ATRNL1: variants seen among roughly 807,000 people sequenced by gnomAD.
The protein encoded by ATRNL1 is attractin like 1.
Under a neutral mutation model 182.7 loss-of-function variants are expected in ATRNL1, and 95 were observed. That is an observed-to-expected ratio of 0.52 (90% CI 0.44 to 0.62). The LOEUF (loss-of-function observed/expected upper bound fraction) is 0.62, where lower values mean the gene tolerates loss of function less well. Among genes scored for constraint, ATRNL1 ranks in the 20% least tolerant of loss-of-function variants. The pLI, the probability that ATRNL1 is intolerant of heterozygous loss-of-function variation, is 0.00. For synonymous variants in ATRNL1, 576 were observed against 568.3 expected (o/e 1.01, Z -0.19); for missense variants, 1,471 against 1,679.5 (o/e 0.88, Z 2.17).
chr10:115,687,919 A>G (rs782755437), intron 26 of ATRNL1, among the ~76,000 whole-genome samples: 16 of 151,992 alleles, frequency 1.1e-4, no homozygotes, highest in Non-Finnish European at 2.4e-4. Context: ...TATTTTATCT[A>G]ACTGTATGTT....
chr10:115,245,042 A>C (rs1478981067), intron 10 of ATRNL1, among the ~76,000 whole-genome samples: 1 of 152,234 alleles, frequency 6.6e-6, no homozygotes, highest in Non-Finnish European at 1.5e-5. Context: ...TGGTTTACTT[A>C]TGACATTAAT....
intron 26 of ATRNL1, among the ~76,000 whole-genome samples, chr10:115,668,205 C>A (rs2133921262): frequency 6.6e-6 from 1 of 152,140 alleles, no homozygotes. Flanking sequence ...TGGTGTGACT[C>A]CCCGGTTCTT....
At chr10:115,157,648 C>A (rs905458481) in intron 5 of ATRNL1, among the ~76,000 whole-genome samples, 1 of 152,086 alleles carries the variant, frequency 6.6e-6, no homozygotes, top group East Asian at 1.9e-4. Context: ...AAATCTCCCT[C>A]TCTTATAAGG....
At chr10:115,460,043 A>G (rs1411104962) in intron 21 of ATRNL1, among the ~76,000 whole-genome samples, 1 of 152,152 alleles carries the variant, frequency 6.6e-6, no homozygotes, top group African/African-American at 2.4e-5. Flanking sequence ...CTTGATGTCT[A>G]TAGCACTAAA....
At position 115,908,876 on chromosome 10, in the gene ATRNL1, A is replaced by G. The variant is rs374747450; in HGVS notation, c.4019-35782A>G. 3.9e-5 allele frequency among the ~76,000 whole-genome samples: 6 copies of G among 152,178 alleles called. No individual in the cohort carries two copies. The East Asian group carries it at 7.7e-4, about 20-fold the overall frequency. On this transcript the variant is annotated intron_variant, in intron 28 of 28. Transcript: ENST00000355044. Reference sequence around the variant, plus strand: ...TCTTAAACCTAATAACATGGAATATATGATTCACTACCTCCCTTTGATTCT... The same window carrying G: ...TCTTAAACCTAATAACATGGAATATGTGATTCACTACCTCCCTTTGATTCT...
At chr10:115,299,987 T>G in intron 15 of ATRNL1, 47 bp from the exon 16 acceptor site, 1 of 1,422,252 alleles carries the variant, frequency 7.0e-7, no homozygotes, top group Non-Finnish European at 9.8e-7. Context: ...TATGCCATAT[T>G]TTTACATCTA....
intron 18 of ATRNL1, among the ~76,000 whole-genome samples, chr10:115,316,560 C>A (rs939342817): frequency 6.6e-6 from 1 of 152,008 alleles, no homozygotes; most frequent in Non-Finnish European, 1.5e-5. Context: ...TTCTCCACAG[C>A]CTCGCTAACA....
intron 8 of ATRNL1, 26 bp downstream of exon 8, chr10:115,171,318 C>T (rs1384248187): frequency 1.3e-5 from 19 of 1,510,954 alleles, no homozygotes; most frequent in Non-Finnish European, 1.7e-5. Flanking sequence ...ATTGTAATTT[C>T]TTTATTGATT....
chr10:115,466,348 G>T lies in ATRNL1; in HGVS notation c.3418-826G>T, dbSNP rs561540879. Among the ~76,000 whole-genome samples the T allele has an allele frequency of 3.3e-5, 5 of 151,416 alleles. No individual in the cohort carries two copies. The South Asian group carries it at 8.3e-4, about 25-fold the overall frequency. On this transcript the variant is annotated intron_variant, in intron 22 of 28. Transcript: ENST00000355044. ...AGTATAGAATTTTCTACAAGTCTTT[G>T]TAGAGAATATTTAAAATAAAGCATA...
At chr10:115,177,387 G>T (rs1847554995) in intron 8 of ATRNL1, among the ~76,000 whole-genome samples, 2 of 152,114 alleles carry the variant, frequency 1.3e-5, no homozygotes, top group African/African-American at 4.8e-5. Flanking sequence ...GCAGAAACTG[G>T]CAAGAAACTT....
chr10:115,259,803 A>G (rs1477974415), intron 10 of ATRNL1, among the ~76,000 whole-genome samples: 1 of 152,144 alleles, frequency 6.6e-6, no homozygotes, highest in South Asian at 2.1e-4. Context: ...CTGACAGAAG[A>G]CATAGGCTTT....
At chr10:115,384,418 A>G (rs1362036953) in intron 19 of ATRNL1, among the ~76,000 whole-genome samples, 1 of 151,868 alleles carries the variant, frequency 6.6e-6, no homozygotes, top group Non-Finnish European at 1.5e-5. Context: ...CTACTTTTTA[A>G]TTTCTTTTGG....
Position 115,286,250 on chromosome 10 carries a change from G to C in ATRNL1, c.2268G>C (p.Gly756=). 3.8e-6 allele frequency: 6 copies of C among 1,595,796 alleles called. No homozygotes were observed. The highest frequency in any genetic ancestry group is 5.1e-6 in the Non-Finnish European group (6 of 1,165,066). The change falls in exon 15 of 29, where the codon GGG becomes GGC. Residue 756 remains glycine (G), a synonymous_variant. Transcript: ENST00000355044. ...GTGGAGAAGGATGGAGTCATATTGG[G>C]GATGCTTGTCTTAGAGTCAATTCCA... is the stretch of plus-strand genomic sequence containing the variant. The part of the protein sequence containing the change: ...HLCGEGWSHI[G]DACLRVNSSR...
intron 18 of ATRNL1, among the ~76,000 whole-genome samples, chr10:115,328,158 T>G (rs940206096): frequency 1.4e-4 from 21 of 151,782 alleles, no homozygotes; most frequent in Non-Finnish European, 2.6e-4. Flanking sequence ...AAAATTAAAG[T>G]TTTTAATAAC....
chr10:115,356,853 A>G (rs1377076071), intron 19 of ATRNL1, among the ~76,000 whole-genome samples: 3 of 151,930 alleles, frequency 2.0e-5, no homozygotes, highest in Admixed American at 1.3e-4. Flanking sequence ...GTTTTTGACA[A>G]TGAAGTGTGT....
chr10:115,813,124 G>A (rs1950084999), intron 27 of ATRNL1, among the ~76,000 whole-genome samples: 1 of 151,868 alleles, frequency 6.6e-6, no homozygotes, highest in Non-Finnish European at 1.5e-5. Flanking sequence ...ACCCTGCCTG[G>A]GATCATCTAA....
At chr10:115,603,753 A>T (rs1266888354) in intron 26 of ATRNL1, among the ~76,000 whole-genome samples, 2 of 152,120 alleles carry the variant, frequency 1.3e-5, no homozygotes, top group African/African-American at 2.4e-5. Flanking sequence ...ATTGCTCTCC[A>T]TTGCTTTGTC....
chr10:115,145,853 T>G (rs2143853886), intron 5 of ATRNL1, among the ~76,000 whole-genome samples: 1 of 152,334 alleles, frequency 6.6e-6, no homozygotes, highest in South Asian at 2.1e-4. Context: ...TAACGTAGCA[T>G]AGTCTTGCTG....
At chr10:115,581,228 G>A (rs1443047297) in intron 26 of ATRNL1, among the ~76,000 whole-genome samples, 1 of 152,004 alleles carries the variant, frequency 6.6e-6, no homozygotes, top group African/African-American at 2.4e-5. Flanking sequence ...CAACTTTTAT[G>A]CTTATCTTAA....
Sources: gnomAD v4.1 joint callset for allele counts (sites outside exome capture counted in the v4.1 genomes callset) on GRCh38, gnomAD v4.1.1 for gene constraint, MANE v1.5 for transcripts, NCBI Gene and HGNC (gene_info 2026-07-23, HGNC 2026-07-21) for gene names.